ANKRD11: variants seen among roughly 807,000 people sequenced by gnomAD.
The protein encoded by ANKRD11 is ankyrin repeat domain 11.
ANKRD11 carries 17 observed loss-of-function variants against 195.7 expected under a neutral mutation model. The ratio of observed to expected loss-of-function variants is 0.09; its 90% CI spans 0.06 to 0.13. ANKRD11 has a LOEUF of 0.13. Among genes scored for constraint, ANKRD11 ranks in the 10% least tolerant of loss-of-function variants. The pLI is 1.00. For synonymous variants in ANKRD11, 1,953 were observed against 1,528.1 expected (o/e 1.28, Z -6.49); for missense variants, 3,735 against 3,566.1 (o/e 1.05, Z -1.21).
At chr16:89,438,338 AAC>A (rs2043302908) in intron 1 of ANKRD11, among the ~76,000 whole-genome samples, 2 of 143,994 alleles carry the variant, frequency 1.4e-5, no homozygotes, top group South Asian at 2.2e-4. Flanking sequence ...TTTTTTTTTC[AAC>A]ACAGAGTCTC....
chr16:89,282,110 C>G lies in ANKRD11; in HGVS notation c.4432G>C (p.Asp1478His). 1 of 1,613,902 alleles carries G rather than the reference C, an allele frequency of 6.2e-7. No individual in the cohort carries two copies. The change falls in exon 9 of 13, where the codon GAC (aspartate) becomes CAC (histidine). Residue 1478 changes from aspartate to histidine, a missense_variant. Coordinates refer to ENST00000301030, the MANE Select transcript of ANKRD11 (RefSeq NM_013275.6). The stretch of plus-strand genomic sequence containing the variant: ...CGCAGCAGCCCATCCGCATGCCTGT[C>G]CCGGTGCCTCTCCTTCTCGTCTCTC... ...KWRDEKERHR[D>H]RHADGLLRHH...
chr16:89,318,221 G>A (rs1005899119), intron 2 of ANKRD11, among the ~76,000 whole-genome samples: 2 of 152,146 alleles, frequency 1.3e-5, no homozygotes, highest in Non-Finnish European at 2.9e-5. Flanking sequence ...CGCCACGCCT[G>A]GCATGGACAC....
chr16:89,399,971 C>A (rs1000758789), intron 2 of ANKRD11, among the ~76,000 whole-genome samples: 3 of 152,034 alleles, frequency 2.0e-5, no homozygotes, highest in African/African-American at 7.2e-5. Flanking sequence ...CAGCCTCTGC[C>A]CCAGGCTTCC....
chr16:89,363,185 A>C (rs1458120759), intron 2 of ANKRD11, among the ~76,000 whole-genome samples: 2 of 152,142 alleles, frequency 1.3e-5, no homozygotes, highest in Non-Finnish European at 2.9e-5. Flanking sequence ...AAAATATACG[A>C]TGTTTCCAGA....
chr16:89,433,505 C>G (rs1023657524), intron 1 of ANKRD11, among the ~76,000 whole-genome samples: 2 of 152,194 alleles, frequency 1.3e-5, no homozygotes, highest in Admixed American at 6.5e-5. Flanking sequence ...CCAGTCCCAG[C>G]TCCAGCAACA....
At chr16:89,348,319 T>C (rs1597734736) in intron 2 of ANKRD11, among the ~76,000 whole-genome samples, 1 of 152,238 alleles carries the variant, frequency 6.6e-6, no homozygotes, top group Non-Finnish European at 1.5e-5. Flanking sequence ...ACATTGATTT[T>C]TAAATGCTAA....
intron 1 of ANKRD11, among the ~76,000 whole-genome samples, chr16:89,459,748 G>A (rs752672401): frequency 2.0e-5 from 3 of 152,024 alleles, no homozygotes; most frequent in East Asian, 1.9e-4. Context: ...TTCTTGAGGC[G>A]TCTGAGACCA....
intron 1 of ANKRD11, among the ~76,000 whole-genome samples, chr16:89,431,776 A>C (rs2042988541): frequency 6.6e-6 from 1 of 152,138 alleles, no homozygotes; most frequent in Admixed American, 6.5e-5. Context: ...AACAATGTCC[A>C]ACTAGAGACA....
At position 89,282,876 on chromosome 16, in the gene ANKRD11, G is replaced by C. The variant is rs750726341; in HGVS notation, c.3666C>G (p.Asp1222Glu). ...ESTEKYKDRK[D>E]RASVDSTQDK... ...CTTGCGTGGAGTCCACTGAGGCTCT[G>C]TCCTTCCTGTCCTTGTACTTTTCTG... is the stretch of plus-strand genomic sequence containing the variant. The change falls in exon 9 of 13, where the codon GAC (aspartate) becomes GAG (glutamate). Residue 1222 changes from aspartate to glutamate, a missense_variant. Asp to Glu is a conservative substitution (Grantham distance 45). Transcript: ENST00000301030. 1.9e-5 allele frequency: 30 copies of C among 1,612,730 alleles called. No homozygotes were observed. The highest frequency in any genetic ancestry group is 2.4e-5 in the Non-Finnish European group (28 of 1,179,978).
chr16:89,423,627 A>C (rs1373915383), intron 1 of ANKRD11, among the ~76,000 whole-genome samples: 4 of 152,234 alleles, frequency 2.6e-5, no homozygotes, highest in Non-Finnish European at 5.9e-5. Context: ...AACTCAACTC[A>C]AACATGTGAG....
Position 89,268,613 on chromosome 16 carries a change from C to T in ANKRD11, c.7857G>A (p.Val2619=). The T allele has an allele frequency of 6.4e-7, 1 of 1,561,620 alleles. No homozygotes were observed. Among genetic ancestry groups the T allele is most frequent in the African/African-American group, 1.4e-5 (1 of 74,034 alleles). The part of the protein sequence containing the change: ...QQHEAAALNA[V]QRMEWQLKVQ... ...CCTTCAGCTGCCACTCCATCCTCTG[C>T]ACGGCGTTCAGGGCCGCGGCCTCGT... The change falls in exon 13 of 13, where the codon GTG becomes GTA. Residue 2619 remains valine (V), a synonymous_variant. Coordinates refer to ENST00000301030, the MANE Select transcript of ANKRD11 (RefSeq NM_013275.6).
Position 89,274,246 on chromosome 16 carries a change from G to C in ANKRD11, c.7713+568C>G, listed in dbSNP as rs545022097. On this transcript the variant is annotated intron_variant, in intron 11 of 12. Transcript: ENST00000301030. ...GGTCAAAGGCACGGGAGCTGCAGGG[G>C]TGGGCGGGAGCCCCACAGCAGATGG... Among the ~76,000 whole-genome samples, 18 of 152,322 alleles carry C rather than the reference G, an allele frequency of 1.2e-4. No individual in the cohort carries two copies. The South Asian group carries it at 2.1e-3, about 18-fold the overall frequency.
intron 2 of ANKRD11, among the ~76,000 whole-genome samples, chr16:89,366,054 T>C (rs535236888): frequency 4.0e-4 from 56 of 141,696 alleles, no homozygotes; most frequent in African/African-American, 1.5e-3. Context: ...CACTTGAACC[T>C]GGAAGGTGGA....
Position 89,291,278 on chromosome 16 carries a change from TC to T in ANKRD11, c.227-96del. On this transcript the variant is annotated intron_variant, in intron 4 of 12. Transcript: ENST00000301030. This position sits in a 1 kb window ranked among gnomAD's most constrained non-coding sequence, Gnocchi z 5.3. ...ACCTAATGTTACGGAGCCCCCTGCG[TC>T]CACCTGACAGCTGACAGAGCAGAAA... 6.8e-7 allele frequency: 1 copy of T among 1,464,128 alleles called. No individual in the cohort carries two copies. Among genetic ancestry groups the T allele is most frequent in the Non-Finnish European group, 9.4e-7 (1 of 1,067,382 alleles). The allele number at this position is 1,464,128 out of a possible 1,614,324, so 90.7% of individuals were successfully genotyped here.
chr16:89,481,981 CTCTGA>C (rs1056992745), intron 1 of ANKRD11, among the ~76,000 whole-genome samples: 1 of 152,064 alleles, frequency 6.6e-6, no homozygotes, highest in Non-Finnish European at 1.5e-5. Context: ...CCTTTCCCTC[CTCTGA>C]TCTATGATCT....
At chr16:89,389,563 T>C (rs1469292262) in intron 2 of ANKRD11, among the ~76,000 whole-genome samples, 1 of 151,930 alleles carries the variant, frequency 6.6e-6, no homozygotes, top group Admixed American at 6.5e-5. Context: ...GGAATGAACC[T>C]CTAGAGATGA....
rs557043654 is a variant in ANKRD11, at chr16:89,283,720, C to T, written c.2822G>A (p.Arg941Lys). The change falls in exon 9 of 13, where the codon AGG becomes AAG. Residue 941 changes from arginine (R) to lysine (K), a missense_variant. Transcript: ENST00000301030. This position sits in a 1 kb window ranked among gnomAD's most constrained non-coding sequence, Gnocchi z 4.3. ...PGYLSEKDKKRRESAEAGRDR... is the reference protein window; with the variant it reads ...PGYLSEKDKKKRESAEAGRDR... The stretch of plus-strand genomic sequence containing the variant: ...CCGCCCGGCCTCTGCGGACTCTCTC[C>T]TCTTCTTGTCCTTTTCCGAAAGGTA... 31 of 1,613,864 alleles carry T rather than the reference C, an allele frequency of 1.9e-5. No individual in the cohort carries two copies. Among genetic ancestry groups the T allele is most frequent in the Admixed American group, 8.3e-5 (5 of 60,034 alleles).
chr16:89,346,524 A>G (rs2038950551), intron 2 of ANKRD11, among the ~76,000 whole-genome samples: 19 of 152,216 alleles, frequency 1.2e-4, no homozygotes, highest in Admixed American at 1.2e-3. Context: ...CAACTACACC[A>G]CACGCCTAAA....
chr16:89,334,761 T>C (rs2038260227), intron 2 of ANKRD11, among the ~76,000 whole-genome samples: 1 of 151,818 alleles, frequency 6.6e-6, no homozygotes, highest in African/African-American at 2.4e-5. Context: ...CAAAACACCC[T>C]CAAACTGCAA....
Sources: allele counts gnomAD v4.1 joint callset (sites outside exome capture counted in the v4.1 genomes callset), GRCh38; gene constraint gnomAD v4.1.1; non-coding constraint Gnocchi (gnomAD v3.1); transcripts MANE v1.5; gene names NCBI Gene and HGNC (gene_info 2026-07-23, HGNC 2026-07-21).